TCERG1L: variants seen among roughly 807,000 people sequenced by gnomAD.
The protein encoded by TCERG1L is transcription elongation regulator 1-like protein.
A neutral mutation model predicts 56.3 loss-of-function variants in TCERG1L; 37 were observed. The observed-to-expected ratio is 0.66, with a 90% CI of 0.51 to 0.87. The LOEUF (loss-of-function observed/expected upper bound fraction) is 0.87, where lower values mean the gene tolerates loss of function less well. Ranked by LOEUF, TCERG1L falls within the 40% of genes least tolerant of loss-of-function variation. The pLI is 0.00. For synonymous variants in TCERG1L, 324 were observed against 326.3 expected, an observed-to-expected ratio of 0.99 and a Z score of 0.08; for missense variants, 799 against 774.2, an observed-to-expected ratio of 1.03 and a Z score of -0.38.
intron 4 of TCERG1L, among the ~76,000 whole-genome samples, chr10:131,247,283 A>C (rs539284391): frequency 6.6e-6 from 1 of 152,300 alleles, no homozygotes; most frequent in African/African-American, 2.4e-5. Context: ...AGTTTCCATT[A>C]ATTACTATAA....
intron 2 of TCERG1L, 44 bp from the exon 3 acceptor site, chr10:131,308,435 T>G (rs755963436): frequency 1.3e-6 from 2 of 1,527,228 alleles, no homozygotes; most frequent in Non-Finnish European, 1.8e-6. Flanking sequence ...GCAAGGTGCA[T>G]GATAAAAGCT....
intron 3 of TCERG1L, among the ~76,000 whole-genome samples, chr10:131,273,918 C>G (rs1251552226): frequency 6.6e-6 from 1 of 152,148 alleles, no homozygotes; most frequent in Non-Finnish European, 1.5e-5. Flanking sequence ...GAAACTATTC[C>G]CCCGTGAAAA....
At chr10:131,194,070 C>A (rs1425151459) in intron 4 of TCERG1L, among the ~76,000 whole-genome samples, 1 of 152,034 alleles carries the variant, frequency 6.6e-6, no homozygotes, top group East Asian at 1.9e-4. Context: ...CAACCCCCAG[C>A]GGCGTGCCTA....
intron 3 of TCERG1L, among the ~76,000 whole-genome samples, chr10:131,278,382 G>A (rs1589770121): frequency 6.9e-6 from 1 of 144,922 alleles, no homozygotes; most frequent in Non-Finnish European, 1.5e-5. Flanking sequence ...CCGTCACCCA[G>A]GCTAGAGTGC....
intron 4 of TCERG1L, among the ~76,000 whole-genome samples, chr10:131,174,916 C>T (rs950326153): frequency 1.3e-5 from 2 of 152,102 alleles, no homozygotes; most frequent in African/African-American, 4.8e-5. Context: ...TACCTGAACC[C>T]ACCCCTCTAA....
At chr10:131,234,146 T>C (rs1845886774) in intron 4 of TCERG1L, among the ~76,000 whole-genome samples, 1 of 152,200 alleles carries the variant, frequency 6.6e-6, no homozygotes, top group African/African-American at 2.4e-5. Context: ...TATTCTGCTG[T>C]AGCAACACAA....
chr10:131,105,459 G>C (rs898841665), intron 9 of TCERG1L, among the ~76,000 whole-genome samples: 2 of 152,094 alleles, frequency 1.3e-5, no homozygotes, highest in Admixed American at 6.5e-5. Context: ...TACTCCTCCA[G>C]GCCTCCACAT....
chr10:131,181,954 A>C (rs1845181975), intron 4 of TCERG1L, among the ~76,000 whole-genome samples: 1 of 152,286 alleles, frequency 6.6e-6, no homozygotes, highest in Non-Finnish European at 1.5e-5. Context: ...ATCACCAAAC[A>C]GAAATCAAAA....
At chr10:131,175,747 G>A (rs1053691521) in intron 4 of TCERG1L, among the ~76,000 whole-genome samples, 1 of 152,164 alleles carries the variant, frequency 6.6e-6, no homozygotes, top group African/African-American at 2.4e-5. Context: ...CAGGTACATA[G>A]TGAGCCAAGT....
chr10:131,278,724 G>A (rs188581990), intron 3 of TCERG1L, among the ~76,000 whole-genome samples: 5 of 148,596 alleles, frequency 3.4e-5, no homozygotes, highest in Admixed American at 2.0e-4. Context: ...GGCCTGGGGG[G>A]TGCCCTTTGC....
At chr10:131,217,456 C>T (rs1244165628) in intron 4 of TCERG1L, among the ~76,000 whole-genome samples, 1 of 152,146 alleles carries the variant, frequency 6.6e-6, no homozygotes, top group Non-Finnish European at 1.5e-5. Flanking sequence ...TCCTTTACAG[C>T]AATGGAAGAA....
intron 6 of TCERG1L, among the ~76,000 whole-genome samples, chr10:131,148,468 A>G (rs1412759643): frequency 1.4e-5 from 2 of 144,626 alleles, no homozygotes; most frequent in East Asian, 4.4e-4. Flanking sequence ...ACACACAGAC[A>G]CATACACAGA....
chr10:131,275,597 G>C (rs1363076573), intron 3 of TCERG1L, among the ~76,000 whole-genome samples: 1 of 152,028 alleles, frequency 6.6e-6, no homozygotes, highest in Non-Finnish European at 1.5e-5. Flanking sequence ...GGAGAGAGGG[G>C]GAAAAGGCAA....
At chr10:131,263,595 C>T (rs1389778330) in intron 3 of TCERG1L, among the ~76,000 whole-genome samples, 2 of 152,194 alleles carry the variant, frequency 1.3e-5, no homozygotes, top group Non-Finnish European at 2.9e-5. Flanking sequence ...CATACATTTG[C>T]CATATTTTTA....
intron 4 of TCERG1L, among the ~76,000 whole-genome samples, chr10:131,227,922 G>T (rs912216959): frequency 3.3e-5 from 5 of 152,114 alleles, no homozygotes; most frequent in Non-Finnish European, 7.4e-5. Flanking sequence ...CTGTGCTCAG[G>T]CATCTTCCTG....
At chr10:131,200,954 C>G (rs1332504863) in intron 4 of TCERG1L, among the ~76,000 whole-genome samples, 1 of 152,144 alleles carries the variant, frequency 6.6e-6, no homozygotes, top group African/African-American at 2.4e-5. Flanking sequence ...CTTGCCTTTC[C>G]CCCTCCTGCC....
chr10:131,129,719 C>G (rs1363361486), intron 8 of TCERG1L, among the ~76,000 whole-genome samples: 2 of 152,168 alleles, frequency 1.3e-5, no homozygotes, highest in Admixed American at 6.5e-5. Context: ...TTGAACTGAC[C>G]TAACCTGTTG....
intron 1 of TCERG1L, among the ~76,000 whole-genome samples, chr10:131,310,891 C>T (rs1463622582): frequency 1.3e-5 from 2 of 152,248 alleles, no homozygotes; most frequent in African/African-American, 2.4e-5. Context: ...TTCCAGCTTG[C>T]TTTCAAGTCT....
chr10:131,237,243 A>G (rs1274243103), intron 4 of TCERG1L, among the ~76,000 whole-genome samples: 1 of 152,058 alleles, frequency 6.6e-6, no homozygotes, highest in Non-Finnish European at 1.5e-5. Context: ...ATCTTCTGAG[A>G]GCCCACATGG....
Sources: allele counts gnomAD v4.1 joint callset (sites outside exome capture counted in the v4.1 genomes callset), GRCh38; gene constraint gnomAD v4.1.1; transcripts MANE v1.5; gene names NCBI Gene and HGNC (gene_info 2026-07-23, HGNC 2026-07-21).